CXXC5: variants seen among roughly 807,000 people sequenced by gnomAD.
CXXC5 encodes CXXC-type zinc finger protein 5.
Under a neutral mutation model 17.6 loss-of-function variants are expected in CXXC5, and 2 were observed. The ratio of observed to expected loss-of-function variants is 0.11; its 90% CI spans 0.05 to 0.36. The LOEUF (loss-of-function observed/expected upper bound fraction) is 0.36. Among genes scored for constraint, CXXC5 ranks in the 10% least tolerant of loss-of-function variants. CXXC5 has a pLI of 1.00. For missense variants in CXXC5, 343 were observed against 458.3 expected (o/e 0.75, Z 2.30); for synonymous variants, 171 against 193.0 (o/e 0.89, Z 0.94).
At chr5:139,677,412 A>G (rs572300679) in intron 1 of CXXC5, among the ~76,000 whole-genome samples, 32 of 152,172 alleles carry the variant, frequency 2.1e-4, no homozygotes, top group Admixed American at 1.8e-3. Flanking sequence ...AGTAGGGCAA[A>G]TGGGGCTTTT....
chr5:139,664,675 C>T (rs1756002713), intron 1 of CXXC5, among the ~76,000 whole-genome samples: 1 of 152,170 alleles, frequency 6.6e-6, no homozygotes, highest in African/African-American at 2.4e-5. Context: ...CAGACAGACA[C>T]ACTTAGGAGC....
chr5:139,665,292 G>A (rs1234335701), intron 1 of CXXC5, among the ~76,000 whole-genome samples: 2 of 152,266 alleles, frequency 1.3e-5, no homozygotes, highest in South Asian at 2.1e-4. Context: ...CCTCAGCCTC[G>A]CGGTGCTTGT....
At chr5:139,647,308 T>C (rs1754934259), upstream of CXXC5, 1 of 152,232 alleles carries the variant, frequency 6.6e-6, no homozygotes, top group South Asian at 2.1e-4. Context: ...GACTGCGTTT[T>C]CTTCGCCTCG....
At chr5:139,680,308 G>A (rs1757107540) in intron 1 of CXXC5, 56 bp from the exon 2 acceptor site, 12 of 605,556 alleles carry the variant, frequency 2.0e-5, no homozygotes, top group Admixed American at 3.3e-5. Context: ...CGGTGGTGGC[G>A]ATGTTGAAGG....
chr5:139,673,924 T>C (rs1392178638), intron 1 of CXXC5, among the ~76,000 whole-genome samples: 1 of 151,228 alleles, frequency 6.6e-6, no homozygotes, highest in Non-Finnish European at 1.5e-5. Flanking sequence ...GGCCAAGGCA[T>C]GGTTGGCACC....
rs969723491 is a variant in CXXC5 at position 139,672,378 on chromosome 5, A to G, written c.-160-7986A>G. Among the ~76,000 whole-genome samples, 35 of 152,332 alleles carry G rather than the reference A, an allele frequency of 2.3e-4. No individual in the cohort carries two copies. The South Asian group carries it at 4.1e-3, about 18-fold the overall frequency. On this transcript the variant is annotated intron_variant, in intron 1 of 2. Transcript: ENST00000302517. Reference sequence around the variant, plus strand: ...GGTGATCCACCTGCCTCGGCTTCCCAAAGTGCTGGGATTACAGGCGTGAGC... The same window carrying G: ...GGTGATCCACCTGCCTCGGCTTCCCGAAGTGCTGGGATTACAGGCGTGAGC...
chr5:139,666,708 C>T (rs559626915), intron 1 of CXXC5, among the ~76,000 whole-genome samples: 1 of 152,352 alleles, frequency 6.6e-6, no homozygotes, highest in East Asian at 1.9e-4. Flanking sequence ...AGATGCCATT[C>T]AGAGAGCTGC....
intron 1 of CXXC5, among the ~76,000 whole-genome samples, chr5:139,677,912 G>A (rs868579875): frequency 2.6e-5 from 4 of 152,250 alleles, no homozygotes; most frequent in African/African-American, 4.8e-5. Flanking sequence ...CGCCCCGCAC[G>A]CAGAGCCAGA....
At position 139,680,706 on chromosome 5, in the gene CXXC5, G is replaced by C; in HGVS notation, c.183G>C (p.Lys61Asn). The change falls in exon 2 of 3, where the codon AAG (lysine) becomes AAC (asparagine). Residue 61 changes from lysine (K) to asparagine (N), a missense_variant. Physicochemically the swap from Lys to Asn is moderately conservative, Grantham distance 94. Transcript: ENST00000302517. ...DDTPPPERRNKSGIISEPLNK... is the reference protein window; with the variant it reads ...DDTPPPERRNNSGIISEPLNK... ...CACCACCCCCCGAGCGTCGGAACAAGAGCGGTATCATCAGTGAGCCCCTCA... is the reference window on the plus strand; with the variant it reads ...CACCACCCCCCGAGCGTCGGAACAACAGCGGTATCATCAGTGAGCCCCTCA... The C allele has an allele frequency of 6.2e-7, 1 of 1,613,470 alleles. No individual in the cohort carries two copies. Among genetic ancestry groups the C allele is most frequent in the Non-Finnish European group, 8.5e-7 (1 of 1,180,026 alleles).
chr5:139,683,471 C>G lies in CXXC5; in HGVS notation c.*564C>G, dbSNP rs979367938. On this transcript the variant is annotated 3_prime_UTR_variant, in exon 3 of 3. Coordinates refer to ENST00000302517, the MANE Select transcript of CXXC5 (RefSeq NM_016463.9). ...AGAAGCCGCTCTGTATCCATCCACG[C>G]GTGCAGAGCTGCCAGCAGGGAGCTC... 2.0e-5 allele frequency: 3 copies of G among 152,354 alleles called. No homozygotes were observed. Among genetic ancestry groups the G allele is most frequent in the East Asian group, 1.9e-4 (1 of 5,186 alleles). The allele number at this position is 152,354 out of a possible 1,614,324, so 9.4% of individuals were successfully genotyped here.
chr5:139,654,915 G>T (rs1293483432), intron 1 of CXXC5, among the ~76,000 whole-genome samples: 1 of 152,152 alleles, frequency 6.6e-6, no homozygotes, highest in Non-Finnish European at 1.5e-5. Context: ...GGGCTGGGGG[G>T]TGACCTGCTG....
rs929185343 is a variant in CXXC5, at chr5:139,680,609, G to C, written c.86G>C (p.Gly29Ala). Residue 29 changes from glycine to alanine, a missense_variant, in exon 2 of 3, where the codon GGC becomes GCC. Physicochemically the swap from Gly to Ala is moderately conservative, Grantham distance 60 (BLOSUM62 0). Transcript: ENST00000302517. The part of the protein sequence containing the change: ...TNGSGGSGSS[G>A]PKAGAADKSA... Reference sequence around the variant, plus strand: ...GGCAGCGGTGGCAGTGGCAGCAGTGGCCCAAAGGCAGGAGCAGCAGACAAG... The same window carrying C: ...GGCAGCGGTGGCAGTGGCAGCAGTGCCCCAAAGGCAGGAGCAGCAGACAAG... 6.2e-7 allele frequency: 1 copy of C among 1,610,406 alleles called. No individual in the cohort carries two copies. Among genetic ancestry groups the C allele is most frequent in the Non-Finnish European group, 8.5e-7 (1 of 1,179,048 alleles).
chr5:139,682,742 C>T lies in CXXC5; in HGVS notation c.925-121C>T, dbSNP rs1021592676. ...GGGTGGCAGGAGCTCCGAGGGGTGG[C>T]TGCTCTTCCTCCATGCCTGTCCCTC... On this transcript the variant is annotated intron_variant, in intron 2 of 2. Transcript: ENST00000302517. 9.7e-6 allele frequency: 10 copies of T among 1,027,728 alleles called. No homozygotes were observed. The South Asian group carries it at 2.1e-4, about 22-fold the overall frequency. The allele number at this position is 1,027,728 out of a possible 1,614,324, so 63.7% of individuals were successfully genotyped here.
chr5:139,672,785 A>G (rs1386563140), intron 1 of CXXC5, among the ~76,000 whole-genome samples: 3 of 152,204 alleles, frequency 2.0e-5, no homozygotes, highest in African/African-American at 4.8e-5. Context: ...AGTGGCGGAA[A>G]GAGCTTGGTC....
At chr5:139,657,671 CTTCT>C in intron 1 of CXXC5, among the ~76,000 whole-genome samples, 1 of 152,182 alleles carries the variant, frequency 6.6e-6, no homozygotes, top group Non-Finnish European at 1.5e-5. Flanking sequence ...CGGGTCCTAT[CTTCT>C]TTGAGGACCA....
chr5:139,681,269 T>C lies in CXXC5; in HGVS notation c.746T>C (p.Leu249Pro). The C allele has an allele frequency of 6.2e-7, 1 of 1,612,622 alleles. No homozygotes were observed. Reference sequence around the variant, plus strand: ...GCTGAGTACCCCATGCAGGGAGAGCTGGCCTCTGCCATCAGCTCCGGCAAG... The same window carrying C: ...GCTGAGTACCCCATGCAGGGAGAGCCGGCCTCTGCCATCAGCTCCGGCAAG... ...GLAEYPMQGELASAISSGKKK... is the reference protein window; with the variant it reads ...GLAEYPMQGEPASAISSGKKK... Residue 249 changes from leucine (L) to proline (P), a missense_variant, in exon 2 of 3, where the codon CTG (leucine) becomes CCG (proline). By Grantham distance (98) the Leu-to-Pro change is moderately conservative. Coordinates refer to ENST00000302517, the MANE Select transcript of CXXC5 (RefSeq NM_016463.9).
At chr5:139,657,943 T>C (rs1349071346) in intron 1 of CXXC5, among the ~76,000 whole-genome samples, 2 of 143,952 alleles carry the variant, frequency 1.4e-5, no homozygotes, top group Non-Finnish European at 1.5e-5. Flanking sequence ...CCACCCACTC[T>C]CACTCTGGTG....
At chr5:139,664,663 C>T (rs553643194) in intron 1 of CXXC5, among the ~76,000 whole-genome samples, 1 of 152,282 alleles carries the variant, frequency 6.6e-6, no homozygotes, top group South Asian at 2.1e-4. Context: ...GTTCATTCCC[C>T]GCAGACAGAC....
chr5:139,652,132 C>T (rs544609218), intron 1 of CXXC5, among the ~76,000 whole-genome samples: 12 of 148,880 alleles, frequency 8.1e-5, no homozygotes, highest in Admixed American at 4.0e-4. Context: ...ACCACCTGGT[C>T]CCATCCTAGC....
Sources: allele counts gnomAD v4.1 joint callset (sites outside exome capture counted in the v4.1 genomes callset), GRCh38; gene constraint gnomAD v4.1.1; transcripts MANE v1.5; gene names NCBI Gene and HGNC (gene_info 2026-07-23, HGNC 2026-07-21).